CDKAL1: variants seen among roughly 807,000 people sequenced by gnomAD.
CDKAL1 encodes the protein threonylcarbamoyladenosine tRNA methylthiotransferase.
A neutral mutation model predicts 68.2 loss-of-function variants in CDKAL1; 32 were observed. The ratio of observed to expected loss-of-function variants is 0.47; its 90% CI spans 0.35 to 0.63. The LOEUF (loss-of-function observed/expected upper bound fraction) is 0.63, where lower values mean the gene tolerates loss of function less well. Among genes scored for constraint, CDKAL1 ranks in the 30% least tolerant of loss-of-function variants. The pLI is 0.00. For synonymous variants in CDKAL1, 234 were observed against 244.3 expected (o/e 0.96, Z 0.39); for missense variants, 606 against 696.7 (o/e 0.87, Z 1.47).
At chr6:21,190,976 A>G (rs1008917590) in intron 13 of CDKAL1, among the ~76,000 whole-genome samples, 1 of 152,234 alleles carries the variant, frequency 6.6e-6, no homozygotes, top group Non-Finnish European at 1.5e-5. Context: ...AGTTATAAAG[A>G]GAAGAGCAAC....
chr6:20,839,661 T>TACTTTCCTGTTCCCAGCTTC (rs1778097262), intron 8 of CDKAL1, among the ~76,000 whole-genome samples: 1 of 152,150 alleles, frequency 6.6e-6, no homozygotes, highest in Admixed American at 6.5e-5. Flanking sequence ...CTCCAAGCTT[T>TACTTTCCTGTTCCCAGCTTC]ACTTTCCTGT....
At chr6:21,203,263 C>A (rs1778765960) in intron 15 of CDKAL1, among the ~76,000 whole-genome samples, 1 of 106,688 alleles carries the variant, frequency 9.4e-6, no homozygotes. Context: ...GAGTCAGAGT[C>A]TCACTCTGTT....
In CDKAL1 at chr6:20,747,834, G is replaced by A. The variant is rs551599282; in HGVS notation, c.468+8219G>A. On this transcript the variant is annotated intron_variant, in intron 6 of 15. Transcript: ENST00000274695. The stretch of plus-strand genomic sequence containing the variant: ...TTGCTGTGCAGAATCATTTTAGCTT[G>A]ATGTAGTCCCATTTGTTTATTTTTG... 3.3e-5 allele frequency among the ~76,000 whole-genome samples: 5 copies of A among 152,234 alleles called. No individual in the cohort carries two copies. In the South Asian group the frequency reaches 6.2e-4, roughly 19 times the overall value.
At chr6:20,772,431 A>G (rs1359489414) in intron 7 of CDKAL1, among the ~76,000 whole-genome samples, 1 of 152,206 alleles carries the variant, frequency 6.6e-6, no homozygotes, top group Non-Finnish European at 1.5e-5. Flanking sequence ...TTGACACCAC[A>G]TAAGTCTACT....
chr6:21,024,901 A>G lies in CDKAL1; in HGVS notation c.1055+24529A>G, dbSNP rs142276158. Among the ~76,000 whole-genome samples, 429 of 152,310 alleles carry G rather than the reference A, an allele frequency of 2.8e-3. 4 individuals are homozygous for G. Among genetic ancestry groups the G allele is most frequent in the African/African-American group, 9.8e-3 (409 of 41,580 alleles). ...TCTTTTCCCAGCATGGCTTAATTCA[A>G]CAACAAATTTAGACCAGCTAGAGGA... On this transcript the variant is annotated intron_variant, in intron 11 of 15. Coordinates refer to ENST00000274695, the MANE Select transcript of CDKAL1 (RefSeq NM_017774.3).
chr6:20,781,020 T>A, intron 7 of CDKAL1, 125 bp from the exon 8 acceptor site: 3 of 924,572 alleles, frequency 3.2e-6, no homozygotes, highest in Non-Finnish European at 3.2e-6. Flanking sequence ...ATGATCACAC[T>A]TCACTCTTCT....
At chr6:20,742,988 T>G (rs1053875124) in intron 6 of CDKAL1, among the ~76,000 whole-genome samples, 2 of 152,084 alleles carry the variant, frequency 1.3e-5, no homozygotes, top group Non-Finnish European at 2.9e-5. Context: ...GAGACCTACT[T>G]TTGAATAGAA....
intron 8 of CDKAL1, among the ~76,000 whole-genome samples, chr6:20,786,722 C>T (rs2150384146): frequency 6.6e-6 from 1 of 152,164 alleles, no homozygotes; most frequent in African/African-American, 2.4e-5. Flanking sequence ...TGGTCTCGAT[C>T]TCCTGACCTC....
At chr6:20,845,315 CTG>C (rs141990208) in intron 8 of CDKAL1, among the ~76,000 whole-genome samples, 2,579 of 152,018 alleles carry the variant, frequency 0.017, 76 homozygotes, top group African/African-American at 0.058. Context: ...TATTTTGTAA[CTG>C]TGTCTTTTAT....
chr6:21,061,423 A>G (rs550491514), intron 11 of CDKAL1, among the ~76,000 whole-genome samples: 293 of 152,268 alleles, frequency 1.9e-3, no homozygotes, highest in African/African-American at 6.6e-3. Flanking sequence ...ATTGAATAAC[A>G]TATTACTTAG....
intron 9 of CDKAL1, among the ~76,000 whole-genome samples, chr6:20,950,381 C>T (rs1764463549): frequency 6.6e-6 from 1 of 152,110 alleles, no homozygotes; most frequent in Non-Finnish European, 1.5e-5. Flanking sequence ...GCCTTGGCCT[C>T]CCAAAGTGCT....
intron 11 of CDKAL1, among the ~76,000 whole-genome samples, chr6:21,052,649 A>AG (rs1770608576): frequency 6.6e-6 from 1 of 150,588 alleles, no homozygotes. Context: ...CTGGGACTAC[A>AG]GGCATGAGCT....
intron 8 of CDKAL1, among the ~76,000 whole-genome samples, chr6:20,796,396 T>TA (rs1433525792): frequency 2.0e-5 from 3 of 152,208 alleles, no homozygotes; most frequent in Non-Finnish European, 4.4e-5. Context: ...TTCAGTATAG[T>TA]AAATGACAAT....
At chr6:20,928,223 C>T (rs533149971) in intron 9 of CDKAL1, among the ~76,000 whole-genome samples, 19 of 152,238 alleles carry the variant, frequency 1.2e-4, no homozygotes, top group East Asian at 1.9e-4. Flanking sequence ...GAAGGTGCCA[C>T]GGGCAGGCTG....
intron 5 of CDKAL1, among the ~76,000 whole-genome samples, chr6:20,652,194 G>T (rs983560976): frequency 6.6e-6 from 1 of 152,082 alleles, no homozygotes; most frequent in African/African-American, 2.4e-5. Context: ...TTTCTAATAA[G>T]TAATTTCAGT....
intron 13 of CDKAL1, among the ~76,000 whole-genome samples, chr6:21,125,546 C>T (rs1168442626): frequency 1.3e-5 from 2 of 152,132 alleles, no homozygotes; most frequent in Admixed American, 6.5e-5. Flanking sequence ...GTGGTGCTTG[C>T]CTGTAATCCC....
chr6:21,008,410 C>T lies in CDKAL1; in HGVS notation c.1055+8038C>T, dbSNP rs146343800. Among the ~76,000 whole-genome samples, 186 of 152,128 alleles carry T rather than the reference C, an allele frequency of 1.2e-3. 1 individual carries two copies. Among genetic ancestry groups the T allele is most frequent in the Admixed American group, 2.4e-3 (36 of 15,286 alleles). On this transcript the variant is annotated intron_variant, in intron 11 of 15. Transcript: ENST00000274695. ...CAGGTTAAAAAGGCAGGGTCAGGCC[C>T]GTGGAGGTGGAGACCCAGGAGGAAA...
At position 21,017,203 on chromosome 6, in the gene CDKAL1, TA is replaced by T. The variant is rs1274926446; in HGVS notation, c.1055+16833del. The stretch of plus-strand genomic sequence containing the variant: ...CTCCTACAGACTCCCCCATATAACA[TA>T]AGGAGTATTTTTGTGTGTATGTTTT... On this transcript the variant is annotated intron_variant, in intron 11 of 15. Transcript: ENST00000274695. Among the ~76,000 whole-genome samples, 3 of 152,300 alleles carry T rather than the reference TA, an allele frequency of 2.0e-5. No individual in the cohort carries two copies. The East Asian group carries it at 5.8e-4, about 29-fold the overall frequency.
chr6:21,195,633 CT>C (rs1778441250), intron 13 of CDKAL1, among the ~76,000 whole-genome samples: 1 of 152,014 alleles, frequency 6.6e-6, no homozygotes, highest in Non-Finnish European at 1.5e-5. Flanking sequence ...ACTTCAGCCT[CT>C]CGTGTAGCTG....
Sources: gnomAD v4.1 joint callset for allele counts (sites outside exome capture counted in the v4.1 genomes callset) on GRCh38, gnomAD v4.1.1 for gene constraint, MANE v1.5 for transcripts, NCBI Gene and HGNC (gene_info 2026-07-23, HGNC 2026-07-21) for gene names.